Variants in CYYR1 observed in about 807,000 individuals in gnomAD.
The protein encoded by CYYR1 is cysteine and tyrosine-rich protein 1.
CYYR1 carries 14 observed loss-of-function variants against 15.2 expected under a neutral mutation model. That is an observed-to-expected ratio of 0.92 (90% CI 0.61 to 1.44). CYYR1 has a LOEUF of 1.44. Among genes scored for constraint, CYYR1 ranks in the 40% most tolerant of loss-of-function variants. CYYR1 has a pLI of 0.00. For synonymous variants in CYYR1, 80 were observed against 77.4 expected (o/e 1.03, Z -0.18); for missense variants, 228 against 209.5 (o/e 1.09, Z -0.54).
At chr21:26,549,781 C>T (rs551028157) in intron 2 of CYYR1, among the ~76,000 whole-genome samples, 13 of 152,054 alleles carry the variant, frequency 8.5e-5, no homozygotes, top group South Asian at 2.1e-4. Context: ...TAAGCTTCCA[C>T]GGTATTATTT....
chr21:26,492,727 A>ATT (rs397701239), intron 2 of CYYR1, among the ~76,000 whole-genome samples: 2 of 151,664 alleles, frequency 1.3e-5, no homozygotes, highest in African/African-American at 4.8e-5. Context: ...AAAAAAAAAA[A>ATT]TCTCAAGGTC....
chr21:26,483,788 A>T (rs2065215417), intron 2 of CYYR1, among the ~76,000 whole-genome samples: 1 of 152,108 alleles, frequency 6.6e-6, no homozygotes, highest in Admixed American at 6.6e-5. Context: ...CTGAAGGCAG[A>T]TCACCTGGGT....
At chr21:26,563,446 C>A (rs533355712) in intron 2 of CYYR1, among the ~76,000 whole-genome samples, 55 of 152,192 alleles carry the variant, frequency 3.6e-4, no homozygotes, top group Non-Finnish European at 6.9e-4. Context: ...GTGGTGCCTG[C>A]CTGTAATCCC....
intron 2 of CYYR1, among the ~76,000 whole-genome samples, chr21:26,528,111 A>G (rs1171814345): frequency 2.6e-5 from 4 of 152,222 alleles, no homozygotes; most frequent in African/African-American, 9.6e-5. Context: ...ACAGAATAGA[A>G]ATAAAAATAT....
At chr21:26,567,008 CAAAA>C (rs71183563) in intron 1 of CYYR1, among the ~76,000 whole-genome samples, 137 of 129,732 alleles carry the variant, frequency 1.1e-3, no homozygotes, top group Admixed American at 1.5e-3. Context: ...GGCTCTGTCT[CAAAA>C]AAAAAAAAAA....
intron 2 of CYYR1, among the ~76,000 whole-genome samples, chr21:26,487,360 T>C (rs2065263563): frequency 6.6e-6 from 1 of 152,092 alleles, no homozygotes; most frequent in African/African-American, 2.4e-5. Flanking sequence ...GTCGACTTAT[T>C]TATTTGTGAT....
intron 2 of CYYR1, among the ~76,000 whole-genome samples, chr21:26,562,799 A>AACACACACACACACAC (rs57351372): frequency 0.039 from 5,184 of 132,506 alleles, 170 homozygotes; most frequent in South Asian, 0.051. Context: ...GACATACACA[A>AACACACACACACACAC]ACACACACAC....
chr21:26,494,705 A>T (rs1029456939), intron 2 of CYYR1, among the ~76,000 whole-genome samples: 1 of 152,136 alleles, frequency 6.6e-6, no homozygotes, highest in Non-Finnish European at 1.5e-5. Context: ...CTGGGACATC[A>T]CATTGTGCCC....
At chr21:26,481,454 G>A (rs2065178825) in intron 2 of CYYR1, among the ~76,000 whole-genome samples, 1 of 151,984 alleles carries the variant, frequency 6.6e-6, no homozygotes, top group Non-Finnish European at 1.5e-5. Flanking sequence ...TATGATACAT[G>A]GTTAACTTAA....
At chr21:26,483,764 T>TA (rs1194520722) in intron 2 of CYYR1, among the ~76,000 whole-genome samples, 4 of 152,108 alleles carry the variant, frequency 2.6e-5, no homozygotes, top group African/African-American at 7.2e-5. Flanking sequence ...CTTTGTTGTG[T>TA]AAAAGCATGA....
intron 2 of CYYR1, chr21:26,518,653 T>C (rs1352501434): frequency 6.6e-6 from 1 of 152,256 alleles, no homozygotes; most frequent in Non-Finnish European, 1.5e-5. Context: ...ACTGCTGCTT[T>C]AATCTCCTCA....
chr21:26,571,788 C>T (rs1299117289), intron 1 of CYYR1, among the ~76,000 whole-genome samples: 1 of 152,110 alleles, frequency 6.6e-6, no homozygotes, highest in Non-Finnish European at 1.5e-5. Flanking sequence ...AAGAACTTAT[C>T]CTACTTTTAT....
intron 2 of CYYR1, among the ~76,000 whole-genome samples, chr21:26,498,626 T>C (rs2065439010): frequency 6.6e-6 from 1 of 151,928 alleles, no homozygotes; most frequent in Non-Finnish European, 1.5e-5. Context: ...GTGGCAAGAG[T>C]AGAGCTGTTG....
intron 2 of CYYR1, among the ~76,000 whole-genome samples, chr21:26,520,894 G>A (rs1381924399): frequency 2.0e-5 from 3 of 152,066 alleles, no homozygotes; most frequent in African/African-American, 4.8e-5. Context: ...GACATGGATC[G>A]ACCTGGAAGC....
chr21:26,473,674 T>A (rs1175152755), intron 3 of CYYR1, among the ~76,000 whole-genome samples: 1 of 152,184 alleles, frequency 6.6e-6, no homozygotes. Context: ...TGACCCTGTC[T>A]GTTTTCTCAA....
chr21:26,560,753 C>T (rs764796763), intron 2 of CYYR1, among the ~76,000 whole-genome samples: 181 of 152,158 alleles, frequency 1.2e-3, no homozygotes, highest in Non-Finnish European at 1.6e-3. Flanking sequence ...TCTGATCCCA[C>T]TGCATTTTGT....
intron 2 of CYYR1, among the ~76,000 whole-genome samples, chr21:26,538,034 G>A (rs1978322807): frequency 6.6e-6 from 1 of 152,174 alleles, no homozygotes; most frequent in African/African-American, 2.4e-5. Context: ...CAGCCTGAAT[G>A]GACTAAGACA....
chr21:26,473,530 T>G (rs1173070992), intron 3 of CYYR1, among the ~76,000 whole-genome samples: 4 of 152,146 alleles, frequency 2.6e-5, no homozygotes, highest in Non-Finnish European at 5.9e-5. Flanking sequence ...CTGGAAGGCT[T>G]TGCACATCGA....
intron 2 of CYYR1, among the ~76,000 whole-genome samples, chr21:26,547,931 G>T (rs55727279): frequency 0.83 from 125,747 of 151,508 alleles, 52,264 homozygotes; most frequent in African/African-American, 0.89. Flanking sequence ...GTAGCTAAAC[G>T]GAGTACCAGC....
Sources: gnomAD v4.1 joint callset for allele counts (sites outside exome capture counted in the v4.1 genomes callset) on GRCh38, gnomAD v4.1.1 for gene constraint, MANE v1.5 for transcripts, NCBI Gene and HGNC (gene_info 2026-07-23, HGNC 2026-07-21) for gene names.